DIAPH1: variants seen among roughly 807,000 people sequenced by gnomAD.
DIAPH1 encodes the protein diaphanous related formin 1.
In DIAPH1, 46 loss-of-function variants were observed where a neutral mutation model predicts 140.7. That is an observed-to-expected ratio of 0.33 (90% CI 0.26 to 0.42). The LOEUF (loss-of-function observed/expected upper bound fraction) is 0.42, where lower values mean the gene tolerates loss of function less well. DIAPH1 is among the 10% of genes least tolerant of loss of function. DIAPH1 has a pLI of 1.00. For synonymous variants in DIAPH1, 565 were observed against 551.6 expected, an observed-to-expected ratio of 1.02 and a Z score of -0.34; for missense variants, 1,310 against 1,558.7, an observed-to-expected ratio of 0.84 and a Z score of 2.69.
chr5:141,532,318 C>A (rs1026936856), intron 19 of DIAPH1, among the ~76,000 whole-genome samples: 2 of 152,116 alleles, frequency 1.3e-5, no homozygotes, highest in African/African-American at 4.8e-5. Context: ...TACTGGCACA[C>A]GCCACTGTGC....
chr5:141,607,732 A>C (rs75409326), intron 1 of DIAPH1, among the ~76,000 whole-genome samples: 3,401 of 152,294 alleles, frequency 0.022, 119 homozygotes, highest in African/African-American at 0.066. Flanking sequence ...TCTTTACTAC[A>C]GCCACATATT....
At chr5:141,553,335 A>G (rs940962899) in intron 18 of DIAPH1, among the ~76,000 whole-genome samples, 1 of 149,920 alleles carries the variant, frequency 6.7e-6, no homozygotes, top group South Asian at 2.1e-4. Flanking sequence ...GTCCCAAACA[A>G]TAATTTAAAC....
intron 19 of DIAPH1, among the ~76,000 whole-genome samples, chr5:141,532,816 A>G (rs910940172): frequency 2.6e-5 from 4 of 152,152 alleles, no homozygotes; most frequent in African/African-American, 7.2e-5. Flanking sequence ...TTCCATATCA[A>G]TATCATAACA....
chr5:141,593,533 G>A (rs146755642), intron 1 of DIAPH1, among the ~76,000 whole-genome samples: 76 of 152,272 alleles, frequency 5.0e-4, no homozygotes, highest in Non-Finnish European at 9.7e-4. Context: ...TAAAGCTTGT[G>A]ACATAGTCCA....
Position 141,528,666 on chromosome 5 carries a change from T to C in DIAPH1, c.3018+36A>G, listed in dbSNP as rs767351715. ...CACTGAACTCATAGAGGCTACAGCC[T>C]TCCTTGTGTTGTCCTGCCCTACCTC... On this transcript the variant is annotated intron_variant, in intron 22 of 27. Coordinates refer to ENST00000389054, the MANE Select transcript of DIAPH1 (RefSeq NM_005219.5). 2.5e-6 allele frequency: 4 copies of C among 1,614,116 alleles called. No homozygotes were observed. The African/African-American group carries it at 4.0e-5, about 16-fold the overall frequency.
intron 7 of DIAPH1, 167 bp downstream of exon 7, chr5:141,582,145 A>G: frequency 1.6e-6 from 1 of 623,740 alleles, no homozygotes; most frequent in Non-Finnish European, 2.9e-6. Context: ...TGAGAAAAAA[A>G]TATCCACAGA....
intron 7 of DIAPH1, among the ~76,000 whole-genome samples, chr5:141,581,169 A>C (rs554147169): frequency 6.6e-6 from 1 of 152,344 alleles, no homozygotes; most frequent in Admixed American, 6.5e-5. Context: ...CAGAGGGAGA[A>C]CACCATGTGA....
At position 141,529,745 on chromosome 5, in the gene DIAPH1, G is replaced by T. The variant is rs765981741; in HGVS notation, c.2582-48C>A. ...GACATGTTCTTCTCGGTCTGTTCCCGCTTCCAACCCATCCTGCAAACCTAT... is the reference window on the plus strand; with the variant it reads ...GACATGTTCTTCTCGGTCTGTTCCCTCTTCCAACCCATCCTGCAAACCTAT... On this transcript the variant is annotated intron_variant, in intron 19 of 27. Transcript: ENST00000389054. 8 of 1,511,690 alleles carry T rather than the reference G, an allele frequency of 5.3e-6. No individual in the cohort carries two copies. The South Asian group carries it at 9.0e-5, about 17-fold the overall frequency. The allele number at this position is 1,511,690 out of a possible 1,614,324, so 93.6% of individuals were successfully genotyped here. A position where few individuals can be genotyped will look rare whatever the true frequency, so the allele number is the denominator to read the frequency against.
chr5:141,608,707 A>G (rs2099901329), intron 1 of DIAPH1, among the ~76,000 whole-genome samples: 1 of 152,166 alleles, frequency 6.6e-6, no homozygotes, highest in African/African-American at 2.4e-5. Context: ...TTAATTATTA[A>G]CCACTGGCAA....
At position 141,527,671 on chromosome 5, in the gene DIAPH1, G is replaced by C. The variant is rs200394036; in HGVS notation, c.3175C>G (p.Leu1059Val). Residue 1059 changes from leucine to valine, a missense_variant, in exon 24 of 28, where the codon CTA (leucine) becomes GTA (valine). Coordinates refer to ENST00000389054, the MANE Select transcript of DIAPH1 (RefSeq NM_005219.5). ...RVSAENLQKN[L>V]DQMKKQISDV... Reference sequence around the variant, plus strand: ...GAAATTTGTTTCTTCATCTGATCTAGGTTCTTTTGCAAGTTTTCAGCAGAA... The same window carrying C: ...GAAATTTGTTTCTTCATCTGATCTACGTTCTTTTGCAAGTTTTCAGCAGAA... 5.4e-5 allele frequency: 79 copies of C among 1,469,974 alleles called. No homozygotes were observed. The East Asian group carries it at 2.0e-3, about 37-fold the overall frequency. 91.1% of individuals were successfully genotyped at this position (1,469,974 alleles called of 1,614,324 possible). A position where few individuals can be genotyped will look rare whatever the true frequency, so the allele number is the denominator to read the frequency against.
chr5:141,583,989 A>G lies in DIAPH1; in HGVS notation c.402+135T>C. 9 of 669,136 alleles carry G rather than the reference A, an allele frequency of 1.3e-5. No individual in the cohort carries two copies. In the South Asian group the frequency reaches 1.5e-4, roughly 11 times the overall value. The allele number at this position is 669,136 out of a possible 1,614,324, so 41.4% of individuals were successfully genotyped here. A position where few individuals can be genotyped will look rare whatever the true frequency, so the allele number is the denominator to read the frequency against. ...ACGGTAACTAAATAAGACAGTAAAAAGTGAACAGGCTTATATAATGGAATG... is the reference window on the plus strand; with the variant it reads ...ACGGTAACTAAATAAGACAGTAAAAGGTGAACAGGCTTATATAATGGAATG... On this transcript the variant is annotated intron_variant, in intron 4 of 27. Coordinates refer to ENST00000389054, the MANE Select transcript of DIAPH1 (RefSeq NM_005219.5).
intron 18 of DIAPH1, among the ~76,000 whole-genome samples, chr5:141,569,760 CAAAAAT>C (rs1272851636): frequency 6.6e-6 from 1 of 150,514 alleles, no homozygotes; most frequent in East Asian, 1.9e-4. Flanking sequence ...CACTCTGTCT[CAAAAAT>C]AAAAATAAAA....
At chr5:141,526,975 G>A (rs1029950962) in intron 24 of DIAPH1, among the ~76,000 whole-genome samples, 1 of 152,128 alleles carries the variant, frequency 6.6e-6, no homozygotes, top group East Asian at 1.9e-4. Context: ...ACATGGCCAA[G>A]ACATATGTGC....
intron 17 of DIAPH1, 118 bp downstream of exon 17, chr5:141,571,808 C>A: frequency 1.2e-6 from 1 of 810,096 alleles, no homozygotes; most frequent in African/African-American, 1.7e-5. Flanking sequence ...ATCCATCAGT[C>A]TTCCATCCAA....
At chr5:141,546,415 T>C (rs1397926587) in intron 18 of DIAPH1, among the ~76,000 whole-genome samples, 1 of 151,916 alleles carries the variant, frequency 6.6e-6, no homozygotes, top group East Asian at 1.9e-4. Context: ...CACAGCACTT[T>C]AGGAGGCCGA....
Position 141,527,555 on chromosome 5 carries a change from C to G in DIAPH1, c.3273+18G>C, listed in dbSNP as rs1562283293. Reference sequence around the variant, plus strand: ...TTCCCTTCCTAGGGAACAACTCCCTCCTTTCAAGAGAGGATATGGTCATTT... The same window carrying G: ...TTCCCTTCCTAGGGAACAACTCCCTGCTTTCAAGAGAGGATATGGTCATTT... On this transcript the variant is annotated intron_variant, in intron 24 of 27. Transcript: ENST00000389054. The G allele has an allele frequency of 1.9e-6, 3 of 1,613,662 alleles. No individual in the cohort carries two copies. The highest frequency in any genetic ancestry group is 8.5e-7 in the Non-Finnish European group (1 of 1,179,872).
chr5:141,556,739 TTGAG>T (rs1276851819), intron 18 of DIAPH1, among the ~76,000 whole-genome samples: 8 of 152,234 alleles, frequency 5.3e-5, no homozygotes, highest in Admixed American at 1.3e-4. Context: ...TCACCCAGGC[TTGAG>T]TGCAGTGGTG....
At chr5:141,618,751 AG>A in intron 1 of DIAPH1, 46 bp downstream of exon 1, 2 of 1,383,778 alleles carry the variant, frequency 1.4e-6, no homozygotes, top group Non-Finnish European at 2.0e-6. Context: ...AGGGGTCCAG[AG>A]GGCGGTTACG....
rs2302102 is a variant in DIAPH1 at position 141,524,225 on chromosome 5, G to A, written c.3579C>T (p.Gly1193=). ...GACTGTCCATCACACCTGTCTCATC[G>A]CCCTCTGTTATAAAGAACAAGATGG... ...REQLIDMNAE[G]DETGVMDSLL... The change falls in exon 27 of 28, where the codon GGC becomes GGT. Residue 1193 remains glycine, a synonymous_variant. Transcript: ENST00000389054. 0.026 allele frequency: 41,863 copies of A among 1,613,320 alleles called. 719 individuals carry two copies. The highest frequency in any genetic ancestry group is 0.046 in the East Asian group (2,051 of 44,858).
Sources: gnomAD v4.1 joint callset for allele counts (sites outside exome capture counted in the v4.1 genomes callset) on GRCh38, gnomAD v4.1.1 for gene constraint, MANE v1.5 for transcripts, NCBI Gene and HGNC (gene_info 2026-07-23, HGNC 2026-07-21) for gene names.